The following PDE1A variants were observed in gnomAD, a reference collection of about 807,000 sequenced individuals.
The protein encoded by PDE1A is phosphodiesterase 1A.
PDE1A carries 35 observed loss-of-function variants against 61.7 expected under a neutral mutation model. That is an observed-to-expected ratio of 0.57 (90% confidence interval 0.43 to 0.75). The LOEUF is 0.75. Ranked by LOEUF, PDE1A falls within the 30% of genes least tolerant of loss-of-function variation. PDE1A has a pLI of 0.00. For missense variants in PDE1A, 597 were observed against 630.6 expected (o/e 0.95, Z 0.57); for synonymous variants, 232 against 213.2 (o/e 1.09, Z -0.77).
At chr2:182,445,621 TAATTC>T (rs1685084188) in intron 2 of PDE1A, among the ~76,000 whole-genome samples, 1 of 152,104 alleles carries the variant, frequency 6.6e-6, no homozygotes, top group African/African-American at 2.4e-5. Flanking sequence ...CACAGGACTA[TAATTC>T]AATGATTTAG....
chr2:182,542,201 A>C, the PDE1A span, among the ~76,000 whole-genome samples: 1 of 152,174 alleles, frequency 6.6e-6, no homozygotes, highest in South Asian at 2.1e-4. Flanking sequence ...TTCAGAGAAA[A>C]TATATACTTT....
chr2:182,502,324 G>A (rs1016763949), intron 2 of PDE1A, among the ~76,000 whole-genome samples: 1 of 151,970 alleles, frequency 6.6e-6, no homozygotes, highest in African/African-American at 2.4e-5. Context: ...GTGTGTGTGT[G>A]TGTGTGTGTT....
chr2:182,384,134 T>C (rs1303892211), intron 1 of PDE1A, among the ~76,000 whole-genome samples: 1 of 152,202 alleles, frequency 6.6e-6, no homozygotes, highest in Admixed American at 6.5e-5. Context: ...GCTCTGAGCT[T>C]CTGGCCCATC....
chr2:182,170,311 T>C (rs1282537548), intron 13 of PDE1A, among the ~76,000 whole-genome samples: 2 of 152,062 alleles, frequency 1.3e-5, no homozygotes, highest in African/African-American at 2.4e-5. Context: ...AGATGGTCAA[T>C]GGGTGAATAA....
intron 1 of PDE1A, among the ~76,000 whole-genome samples, chr2:182,423,191 A>G (rs1203615677): frequency 6.6e-6 from 1 of 152,220 alleles, no homozygotes; most frequent in East Asian, 1.9e-4. Flanking sequence ...CCTCATTGAC[A>G]TGATATGAAA....
the PDE1A span, among the ~76,000 whole-genome samples, chr2:182,540,728 A>G: frequency 6.6e-6 from 1 of 152,180 alleles, no homozygotes. Flanking sequence ...TTTGTCGAAA[A>G]CTGGTATAAA....
chr2:182,197,050 A>G (rs1156408070), intron 10 of PDE1A, among the ~76,000 whole-genome samples: 1 of 151,858 alleles, frequency 6.6e-6, no homozygotes, highest in Non-Finnish European at 1.5e-5. Context: ...TGATGTATGT[A>G]TGATACCTCC....
At chr2:182,522,766 A>T (rs1690647583), upstream of PDE1A, 1 of 671,960 alleles carries the variant, frequency 1.5e-6, no homozygotes, top group Non-Finnish European at 1.8e-6. Context: ...TATTATGCAC[A>T]AGAGAAACGT....
intron 2 of PDE1A, among the ~76,000 whole-genome samples, chr2:182,479,775 AATAC>A (rs1367586238): frequency 6.6e-6 from 1 of 151,920 alleles, no homozygotes; most frequent in African/African-American, 2.4e-5. Context: ...GTACTATATA[AATAC>A]ATATCTTGCA....
intron 1 of PDE1A, among the ~76,000 whole-genome samples, chr2:182,422,295 T>C (rs1703330797): frequency 6.6e-6 from 1 of 152,206 alleles, no homozygotes; most frequent in South Asian, 2.1e-4. Flanking sequence ...CACTAAAGTT[T>C]AACATATAAG....
At chr2:182,607,283 G>T in the PDE1A span, among the ~76,000 whole-genome samples, 1 of 152,070 alleles carries the variant, frequency 6.6e-6, no homozygotes, top group Non-Finnish European at 1.5e-5. Flanking sequence ...AGATTGGGAG[G>T]GCCAATTTCT....
At chr2:182,659,577 A>T in the PDE1A span, among the ~76,000 whole-genome samples, 1 of 152,184 alleles carries the variant, frequency 6.6e-6, no homozygotes, top group East Asian at 1.9e-4. Context: ...TGAAAACATG[A>T]GATATATTTA....
intron 7 of PDE1A, among the ~76,000 whole-genome samples, chr2:182,218,090 T>TA (rs1335916874): frequency 1.3e-5 from 2 of 149,424 alleles, no homozygotes; most frequent in Admixed American, 6.7e-5. Context: ...TATGCAGCCA[T>TA]AAAAAATGAT....
intron 1 of PDE1A, among the ~76,000 whole-genome samples, chr2:182,303,018 T>G (rs1372610741): frequency 6.6e-6 from 1 of 152,224 alleles, no homozygotes; most frequent in Non-Finnish European, 1.5e-5. Flanking sequence ...CTCTTACTAT[T>G]TCTACAACAT....
At chr2:182,534,243 A>C in the PDE1A span, among the ~76,000 whole-genome samples, 2 of 152,018 alleles carry the variant, frequency 1.3e-5, no homozygotes, top group African/African-American at 4.8e-5. Context: ...TGGTTGTATC[A>C]TGATTTAGCC....
chr2:182,470,993 T>C (rs1396670481), intron 2 of PDE1A, among the ~76,000 whole-genome samples: 1 of 151,828 alleles, frequency 6.6e-6, no homozygotes, highest in Non-Finnish European at 1.5e-5. Context: ...TGGAATAACA[T>C]TTCAAATAGT....
At chr2:182,328,263 G>C (rs1697177021) in intron 1 of PDE1A, among the ~76,000 whole-genome samples, 2 of 152,164 alleles carry the variant, frequency 1.3e-5, no homozygotes, top group Non-Finnish European at 2.9e-5. Flanking sequence ...GGTTGATGGT[G>C]AATTTAAACA....
intron 13 of PDE1A, among the ~76,000 whole-genome samples, chr2:182,149,532 G>A (rs548015301): frequency 3.9e-5 from 6 of 152,112 alleles, no homozygotes; most frequent in African/African-American, 9.7e-5. Flanking sequence ...GAGTAGACAC[G>A]CAATTGCCAA....
chr2:182,325,843 C>T (rs1247724357), intron 1 of PDE1A, among the ~76,000 whole-genome samples: 1 of 152,106 alleles, frequency 6.6e-6, no homozygotes, highest in African/African-American at 2.4e-5. Flanking sequence ...TGCTTGAACC[C>T]AGGAGGCAGA....
Sources: allele counts gnomAD v4.1 joint callset (sites outside exome capture counted in the v4.1 genomes callset), GRCh38; gene constraint gnomAD v4.1.1; transcripts MANE v1.5; gene names NCBI Gene and HGNC (gene_info 2026-07-23, HGNC 2026-07-21).